The following ZNF682 variants were observed in gnomAD, a reference collection of about 807,000 sequenced individuals.
ZNF682 encodes the protein zinc finger protein 682.
Under a neutral mutation model 36.5 loss-of-function variants are expected in ZNF682, and 29 were observed. That is an observed-to-expected ratio of 0.80 (90% confidence interval 0.59 to 1.08). The LOEUF is 1.08. Ranked by LOEUF, ZNF682 falls within the 50% of genes least tolerant of loss-of-function variation. The probability of loss-of-function intolerance (pLI) is 0.00; values close to 1 mark genes in which losing one functional copy is unlikely to be tolerated. For synonymous variants in ZNF682, 180 were observed against 197.0 expected, an observed-to-expected ratio of 0.91 and a Z score of 0.72; for missense variants, 561 against 579.7, an observed-to-expected ratio of 0.97 and a Z score of 0.33.
intron 3 of ZNF682, among the ~76,000 whole-genome samples, chr19:20,016,104 A>G (rs2088332529): frequency 6.6e-6 from 1 of 152,188 alleles, no homozygotes; most frequent in Non-Finnish European, 1.5e-5. Flanking sequence ...TGAGCTCAGG[A>G]GTTCAACACC....
chr19:20,025,693 A>C (rs1020727290), intron 1 of ZNF682, among the ~76,000 whole-genome samples: 1 of 152,092 alleles, frequency 6.6e-6, no homozygotes, highest in African/African-American at 2.4e-5. Context: ...AAAGAAAAAA[A>C]AAAAAAGAAA....
intron 3 of ZNF682, among the ~76,000 whole-genome samples, chr19:19,997,648 G>C (rs954600098): frequency 1.3e-5 from 2 of 152,158 alleles, no homozygotes; most frequent in African/African-American, 2.4e-5. Flanking sequence ...CTGGATGAGG[G>C]GTTGTCCCTC....
At chr19:20,023,310 A>G (rs1455550012) in intron 2 of ZNF682, among the ~76,000 whole-genome samples, 1 of 152,152 alleles carries the variant, frequency 6.6e-6, no homozygotes, top group Non-Finnish European at 1.5e-5. Flanking sequence ...CATCCTGGCC[A>G]ACATGGTGAA....
rs2088208196 is a variant in ZNF682 at position 20,005,723 on chromosome 19, A to ATT, written c.*280_*281dup. On this transcript the variant is annotated 3_prime_UTR_variant, in exon 4 of 4. Coordinates refer to ENST00000397165, the MANE Select transcript of ZNF682 (RefSeq NM_033196.3). ...TCCACAGATAAATGTAATGTGTATC[A>ATT]TTACACTTACATTGCTTTTATCTAG... The ATT allele has an allele frequency of 5.0e-6, 2 of 396,958 alleles. No homozygotes were observed. The highest frequency in any genetic ancestry group is 4.0e-5 in the African/African-American group (2 of 49,598). The allele number at this position is 396,958 out of a possible 1,614,324, so 24.6% of individuals were successfully genotyped here.
At chr19:20,019,218 A>G (rs1422012662) in intron 3 of ZNF682, among the ~76,000 whole-genome samples, 1 of 152,192 alleles carries the variant, frequency 6.6e-6, no homozygotes, top group Non-Finnish European at 1.5e-5. Context: ...CCATTAGGAG[A>G]GCCATTAACA....
downstream of ZNF682, among the ~76,000 whole-genome samples, chr19:19,995,230 T>C (rs2088122955): frequency 6.6e-6 from 1 of 152,142 alleles, no homozygotes; most frequent in Non-Finnish European, 1.5e-5. Context: ...ATTGCAGACA[T>C]AATAAGCAAA....
chr19:20,015,599 CTGA>C (rs1442945075), intron 3 of ZNF682: 2 of 204,402 alleles, frequency 9.8e-6, no homozygotes, highest in East Asian at 3.7e-4. Flanking sequence ...TAGTGGAGTA[CTGA>C]TGAAGAATTC....
rs542943665 is a variant in ZNF682 at position 20,006,081 on chromosome 19, ACT to A, written c.1419_1420del (p.Arg473SerfsTer11). 1,090 of 1,611,738 alleles carry A rather than the reference ACT, an allele frequency of 6.8e-4. 19 individuals carry two copies. The East Asian group carries it at 0.024, about 36-fold the overall frequency. On this transcript the variant is annotated frameshift_variant, in exon 4 of 4. Coordinates refer to ENST00000397165, the MANE Select transcript of ZNF682 (RefSeq NM_033196.3). LOFTEE classifies it high-confidence loss of function. Reference sequence around the variant, plus strand: ...CTTGCAGGATTTCTCTCCTCTTTGAACTCTCTTATGTTCATTAAGATGTGAGC... The same window carrying A: ...CTTGCAGGATTTCTCTCCTCTTTGAACTCTTATGTTCATTAAGATGTGAGC...
chr19:20,007,445 C>A, intron 3 of ZNF682, 170 bp from the exon 4 acceptor site: 2 of 575,982 alleles, frequency 3.5e-6, no homozygotes, highest in South Asian at 6.0e-5. Flanking sequence ...AAACATCATA[C>A]TTTAAACAGA....
chr19:20,023,156 T>C, intron 2 of ZNF682, 57 bp from the exon 3 acceptor site: 1 of 1,465,498 alleles, frequency 6.8e-7, no homozygotes, highest in Admixed American at 1.7e-5. Context: ...ATTACCAACC[T>C]AGTGTTGTGC....
rs755230685 is a variant in ZNF682 at position 20,006,662 on chromosome 19, T to C, written c.840A>G (p.Thr280=). ...SPFVRHKKIH[T]GEKPYTCEDC... ...CTTCACATGTATAGGGTTTTTCTCCTGTATGAATTTTCTTATGTCTAACAA... is the reference window on the plus strand; with the variant it reads ...CTTCACATGTATAGGGTTTTTCTCCCGTATGAATTTTCTTATGTCTAACAA... Residue 280 remains threonine, a synonymous_variant, in exon 4 of 4, where the codon ACA becomes ACG. Coordinates refer to ENST00000397165, the MANE Select transcript of ZNF682 (RefSeq NM_033196.3). 72 of 1,613,688 alleles carry C rather than the reference T, an allele frequency of 4.5e-5. No homozygotes were observed. Among genetic ancestry groups the C allele is most frequent in the Non-Finnish European group, 5.5e-5 (65 of 1,179,926 alleles).
At position 20,008,567 on chromosome 19, in the gene ZNF682, C is replaced by T. The variant is rs140427160; in HGVS notation, c.227-1292G>A. On this transcript the variant is annotated intron_variant, in intron 3 of 3. Coordinates refer to ENST00000397165, the MANE Select transcript of ZNF682 (RefSeq NM_033196.3). The stretch of plus-strand genomic sequence containing the variant: ...CACCAAACGACTCACAGACACATTC[C>T]ATAACCCATCCTTACTTTTGCAAGC... 1.5e-3 allele frequency among the ~76,000 whole-genome samples: 236 copies of T among 152,314 alleles called. 3 individuals are homozygous for T. Among genetic ancestry groups the T allele is most frequent in the Middle Eastern group, 6.8e-3 (2 of 294 alleles).
intron 1 of ZNF682, among the ~76,000 whole-genome samples, chr19:20,028,631 C>T (rs1170993636): frequency 6.6e-6 from 1 of 152,088 alleles, no homozygotes; most frequent in African/African-American, 2.4e-5. Context: ...GCACACAGTC[C>T]CTTATACCTA....
chr19:20,015,274 G>A, intron 3 of ZNF682: 2 of 985,020 alleles, frequency 2.0e-6, no homozygotes, highest in South Asian at 9.4e-5. Context: ...CATCTAAACA[G>A]GATAAAACCA....
intron 1 of ZNF682, among the ~76,000 whole-genome samples, chr19:20,036,554 C>T (rs1247911821): frequency 1.5e-5 from 2 of 136,526 alleles, no homozygotes; most frequent in Admixed American, 1.7e-4. Context: ...TACAGTGAGC[C>T]GAGATTGTGC....
downstream of ZNF682, among the ~76,000 whole-genome samples, chr19:20,001,054 T>A (rs1422670785): frequency 6.6e-6 from 1 of 152,172 alleles, no homozygotes; most frequent in Non-Finnish European, 1.5e-5. Flanking sequence ...CAGGAGTGAC[T>A]CATAGTCCTG....
intron 3 of ZNF682, chr19:20,007,679 C>G (rs2088240857): frequency 1.7e-5 from 3 of 176,524 alleles, no homozygotes; most frequent in Non-Finnish European, 3.6e-5. Flanking sequence ...CCAGCTAAAT[C>G]TAGTCTGAGC....
At chr19:20,035,285 G>C (rs1034856981) in intron 1 of ZNF682, among the ~76,000 whole-genome samples, 1 of 152,050 alleles carries the variant, frequency 6.6e-6, no homozygotes, top group African/African-American at 2.4e-5. Context: ...GAGTGCAGTG[G>C]CATGATCTTG....
At chr19:19,995,922 C>G (rs945500202), downstream of ZNF682, among the ~76,000 whole-genome samples, 3 of 152,192 alleles carry the variant, frequency 2.0e-5, no homozygotes, top group African/African-American at 7.2e-5. Context: ...TGTGTCTTCC[C>G]CAGGCCCACA....
Sources: allele counts gnomAD v4.1 joint callset (sites outside exome capture counted in the v4.1 genomes callset), GRCh38; gene constraint gnomAD v4.1.1; transcripts MANE v1.5; gene names NCBI Gene and HGNC (gene_info 2026-07-23, HGNC 2026-07-21).